The following NIPAL2 variants were observed in gnomAD, a reference collection of about 807,000 sequenced individuals.
NIPAL2 encodes the protein NIPA like domain containing 2, also known as NIPA-like protein 2.
NIPAL2 carries 43 observed loss-of-function variants against 48.9 expected under a neutral mutation model. The ratio of observed to expected loss-of-function variants is 0.88; its 90% confidence interval spans 0.69 to 1.13. The LOEUF (loss-of-function observed/expected upper bound fraction) is 1.13, where lower values mean the gene tolerates loss of function less well. Among genes scored for constraint, NIPAL2 ranks in the 50% most tolerant of loss-of-function variants. The pLI is 0.00. For missense variants in NIPAL2, 446 were observed against 461.4 expected, an observed-to-expected ratio of 0.97 and a Z score of 0.31; for synonymous variants, 167 against 174.6, an observed-to-expected ratio of 0.96 and a Z score of 0.34.
chr8:98,204,967 G>A, intron 7 of NIPAL2, 144 bp downstream of exon 7: 1 of 837,046 alleles, frequency 1.2e-6, no homozygotes, highest in Non-Finnish European at 1.9e-6. Flanking sequence ...AGCAAGGCAT[G>A]TTGGCTGAGG....
At chr8:98,227,756 G>A (rs1284058030) in intron 4 of NIPAL2, among the ~76,000 whole-genome samples, 1 of 152,248 alleles carries the variant, frequency 6.6e-6, no homozygotes, top group African/African-American at 2.4e-5. Context: ...TGGCTGCCCA[G>A]CTGGTGTCTC....
At chr8:98,206,103 A>C (rs1178657954) in intron 6 of NIPAL2, among the ~76,000 whole-genome samples, 1 of 152,198 alleles carries the variant, frequency 6.6e-6, no homozygotes, top group Non-Finnish European at 1.5e-5. Context: ...TTTCTGTCTT[A>C]TGTCCCTCGA....
intron 8 of NIPAL2, among the ~76,000 whole-genome samples, chr8:98,197,219 T>C (rs770281392): frequency 5.3e-5 from 8 of 152,298 alleles, no homozygotes; most frequent in Non-Finnish European, 7.4e-5. Context: ...TCACACTAAA[T>C]TTTTGGTTTC....
chr8:98,253,549 G>A (rs1813708600), intron 2 of NIPAL2, among the ~76,000 whole-genome samples: 1 of 152,040 alleles, frequency 6.6e-6, no homozygotes, highest in South Asian at 2.1e-4. Context: ...TTCCTATTTT[G>A]TATTCTACAT....
intron 4 of NIPAL2, among the ~76,000 whole-genome samples, chr8:98,225,133 C>G (rs1346974324): frequency 6.6e-6 from 1 of 152,228 alleles, no homozygotes; most frequent in Admixed American, 6.5e-5. Context: ...TGCTACGTAA[C>G]TATGGCAGTT....
At chr8:98,259,326 C>T (rs7460847) in intron 1 of NIPAL2, among the ~76,000 whole-genome samples, 8,250 of 151,888 alleles carry the variant, frequency 0.054, 722 homozygotes, top group African/African-American at 0.19. Context: ...CCGCCCGTCT[C>T]GGCCTCCCAA....
chr8:98,195,728 GT>G (rs1394006984), intron 9 of NIPAL2: 1 of 409,394 alleles, frequency 2.4e-6, no homozygotes, highest in Non-Finnish European at 4.5e-6. Context: ...AATCCCCAAT[GT>G]TTCAGAACAG....
intron 5 of NIPAL2, among the ~76,000 whole-genome samples, chr8:98,214,753 A>T (rs1013735141): frequency 2.0e-5 from 3 of 152,044 alleles, no homozygotes; most frequent in Non-Finnish European, 2.9e-5. Flanking sequence ...AAACCTTTTC[A>T]TCTAATATGG....
Position 98,252,564 on chromosome 8 carries a change from C to T in NIPAL2, c.275G>A (p.Gly92Asp), listed in dbSNP as rs144226575. ...RPYFKSVLWW[G>D]GVLLMAVGET... ...TCCCACGGCCATCAGCAGGACACCA[C>T]CCCACCACAGCACACTCTTGAAGTA... The change falls in exon 3 of 11, where the codon GGT becomes GAT. Residue 92 changes from glycine (G) to aspartate (D), a missense_variant. Gly to Asp is a moderately conservative substitution (Grantham distance 94, BLOSUM62 -1). Transcript: ENST00000430223. 584 of 1,613,992 alleles carry T rather than the reference C, an allele frequency of 3.6e-4. No homozygotes were observed. The highest frequency in any genetic ancestry group is 1.3e-3 in the Middle Eastern group (8 of 6,046).
At chr8:98,208,455 C>CT (rs1158874548) in intron 6 of NIPAL2, among the ~76,000 whole-genome samples, 15 of 148,888 alleles carry the variant, frequency 1.0e-4, no homozygotes, top group Admixed American at 2.0e-4. Flanking sequence ...CGTTAGAGTA[C>CT]TTTTTTTTTT....
chr8:98,292,194 C>A (rs1408582359), intron 1 of NIPAL2, among the ~76,000 whole-genome samples: 1 of 152,188 alleles, frequency 6.6e-6, no homozygotes, highest in African/African-American at 2.4e-5. Context: ...CTTTGTTTTT[C>A]TGTATCCACA....
chr8:98,214,511 G>A (rs992040308), intron 5 of NIPAL2, among the ~76,000 whole-genome samples: 3 of 152,000 alleles, frequency 2.0e-5, no homozygotes, highest in Non-Finnish European at 4.4e-5. Context: ...GAATTTGTAA[G>A]TATGAATGTT....
At chr8:98,237,773 A>C (rs2130794457) in intron 3 of NIPAL2, among the ~76,000 whole-genome samples, 1 of 152,276 alleles carries the variant, frequency 6.6e-6, no homozygotes, top group African/African-American at 2.4e-5. Context: ...GACCAGCTCT[A>C]GACTCAAGTG....
intron 4 of NIPAL2, among the ~76,000 whole-genome samples, chr8:98,229,334 A>G (rs1332206189): frequency 6.6e-6 from 1 of 152,170 alleles, no homozygotes; most frequent in African/African-American, 2.4e-5. Context: ...TAATAGATAC[A>G]CTAGTTATAC....
At position 98,227,334 on chromosome 8, in the gene NIPAL2, T is replaced by C. The variant is rs75026428; in HGVS notation, c.437-4734A>G. On this transcript the variant is annotated intron_variant, in intron 4 of 10. Coordinates refer to ENST00000430223, the MANE Select transcript of NIPAL2 (RefSeq NM_001321635.2). The stretch of plus-strand genomic sequence containing the variant: ...CTTAAGCAAAAGGAGTCCCTCCCCA[T>C]AGCCACCACAGCTGTGAATATGCTG... 3.9e-3 allele frequency among the ~76,000 whole-genome samples: 590 copies of C among 152,232 alleles called. 16 individuals carry two copies. In the East Asian group the frequency reaches 0.056, roughly 15 times the overall value.
chr8:98,269,239 T>C (rs1479934997), intron 1 of NIPAL2, among the ~76,000 whole-genome samples: 1 of 152,228 alleles, frequency 6.6e-6, no homozygotes, highest in Admixed American at 6.5e-5. Flanking sequence ...ACAAATGTTC[T>C]TAAAGGCATA....
In NIPAL2 at chr8:98,202,955, C is replaced by T. The variant is rs181345413; in HGVS notation, c.880+153G>A. ...AGAGCATTCACACAAAGTAGAGGAACCTCTCCTGGAAGATTGTCATAGGGG... is the reference window on the plus strand; with the variant it reads ...AGAGCATTCACACAAAGTAGAGGAATCTCTCCTGGAAGATTGTCATAGGGG... On this transcript the variant is annotated intron_variant, in intron 8 of 10. Coordinates refer to ENST00000430223, the MANE Select transcript of NIPAL2 (RefSeq NM_001321635.2). Among the ~76,000 whole-genome samples the T allele has an allele frequency of 5.9e-5, 9 of 152,308 alleles. No homozygotes were observed. In the South Asian group the frequency reaches 1.7e-3, roughly 28 times the overall value.
intron 1 of NIPAL2, among the ~76,000 whole-genome samples, chr8:98,270,139 T>G (rs998226618): frequency 1.3e-5 from 2 of 152,238 alleles, no homozygotes; most frequent in Admixed American, 6.5e-5. Flanking sequence ...AGTGCTGCAA[T>G]GAACATGTGA....
intron 6 of NIPAL2, among the ~76,000 whole-genome samples, chr8:98,207,114 GT>G (rs1218609852): frequency 6.6e-6 from 1 of 152,184 alleles, no homozygotes; most frequent in East Asian, 1.9e-4. Context: ...GAACAGCCAG[GT>G]TTCCCAACGG....
Sources: gnomAD v4.1 joint callset for allele counts (sites outside exome capture counted in the v4.1 genomes callset) on GRCh38, gnomAD v4.1.1 for gene constraint, MANE v1.5 for transcripts, NCBI Gene and HGNC (gene_info 2026-07-23, HGNC 2026-07-21) for gene names.